The following GAS2 variants were observed in gnomAD, a reference collection of about 807,000 sequenced individuals.
GAS2 encodes growth arrest specific 2.
In GAS2, 20 loss-of-function variants were observed where a neutral mutation model predicts 37.5. That is an observed-to-expected ratio of 0.53 (90% CI 0.37 to 0.77). The LOEUF (loss-of-function observed/expected upper bound fraction) is 0.77, where lower values mean the gene tolerates loss of function less well. Ranked by LOEUF, GAS2 falls within the 30% of genes least tolerant of loss-of-function variation. GAS2 has a pLI of 0.00. For missense variants in GAS2, 336 were observed against 373.4 expected (o/e 0.90, Z 0.82); for synonymous variants, 144 against 132.2 (o/e 1.09, Z -0.61).
intron 2 of GAS2, among the ~76,000 whole-genome samples, chr11:22,684,917 A>G (rs892021285): frequency 2.0e-5 from 3 of 152,092 alleles, no homozygotes; most frequent in Admixed American, 6.6e-5. Flanking sequence ...GAATCTAGAG[A>G]TATGGTTTTA....
intron 1 of GAS2, among the ~76,000 whole-genome samples, chr11:22,651,917 C>T (rs1401139817): frequency 6.6e-6 from 1 of 152,224 alleles, no homozygotes; most frequent in Non-Finnish European, 1.5e-5. Flanking sequence ...CTTCTCTCAG[C>T]TCGTCAAAGT....
chr11:22,777,644 C>T (rs1253221370), intron 7 of GAS2, among the ~76,000 whole-genome samples: 1 of 152,132 alleles, frequency 6.6e-6, no homozygotes, highest in Non-Finnish European at 1.5e-5. Context: ...AGGAAGAACT[C>T]AAGGGCTCTT....
At chr11:22,754,947 A>G (rs1853944749) in intron 6 of GAS2, among the ~76,000 whole-genome samples, 1 of 152,074 alleles carries the variant, frequency 6.6e-6, no homozygotes, top group South Asian at 2.1e-4. Context: ...TCTTCCATGG[A>G]AACTTTTCCT....
intron 3 of GAS2, among the ~76,000 whole-genome samples, chr11:22,693,605 G>T (rs1469811371): frequency 6.6e-6 from 1 of 152,086 alleles, no homozygotes. Context: ...GACATTTTTT[G>T]AGAATATCCA....
At chr11:22,679,612 G>A (rs540176159) in intron 2 of GAS2, among the ~76,000 whole-genome samples, 29 of 152,010 alleles carry the variant, frequency 1.9e-4, no homozygotes, top group South Asian at 1.4e-3. Context: ...TAAAATAAGC[G>A]TTCTCAAATT....
intron 3 of GAS2, among the ~76,000 whole-genome samples, chr11:22,701,409 T>C (rs546463836): frequency 6.6e-6 from 1 of 152,250 alleles, no homozygotes; most frequent in South Asian, 2.1e-4. Flanking sequence ...GTGAGAAAGA[T>C]AGTTGTGATT....
At chr11:22,769,859 T>C (rs11026782) in intron 7 of GAS2, among the ~76,000 whole-genome samples, 2,681 of 152,228 alleles carry the variant, frequency 0.018, 47 homozygotes, top group Admixed American at 0.058. Context: ...TAGAAAAGAG[T>C]GTCTCCTGTG....
At chr11:22,713,823 C>T (rs1851529457) in intron 3 of GAS2, among the ~76,000 whole-genome samples, 1 of 152,096 alleles carries the variant, frequency 6.6e-6, no homozygotes, top group African/African-American at 2.4e-5. Flanking sequence ...TCACCACTAC[C>T]AAGCCAGCAT....
intron 7 of GAS2, among the ~76,000 whole-genome samples, chr11:22,784,614 T>C (rs1308970808): frequency 6.6e-6 from 1 of 152,124 alleles, no homozygotes; most frequent in Non-Finnish European, 1.5e-5. Context: ...ACTCAGCCTT[T>C]CCCCACAAGC....
At position 22,632,719 on chromosome 11, in the gene GAS2, C is replaced by T. The variant is rs376523949; in HGVS notation, c.-21+6906C>T. The stretch of plus-strand genomic sequence containing the variant: ...CTTAGGTTGGCCCTTTTACATAATC[C>T]CATGTTTCTTAGAGATTTTATTCGT... On this transcript the variant is annotated intron_variant, in intron 1 of 5. Transcript: ENST00000528582. Among the ~76,000 whole-genome samples the T allele has an allele frequency of 1.1e-3, 164 of 151,800 alleles. 1 individual carries two copies. The highest frequency in any genetic ancestry group is 3.8e-3 in the African/African-American group (158 of 41,494).
At chr11:22,792,176 A>G (rs1458324358) in intron 7 of GAS2, among the ~76,000 whole-genome samples, 1 of 152,234 alleles carries the variant, frequency 6.6e-6, no homozygotes, top group Non-Finnish European at 1.5e-5. Context: ...AACACATATC[A>G]TTTGAGAGAG....
intron 2 of GAS2, among the ~76,000 whole-genome samples, chr11:22,684,983 G>C (rs917854349): frequency 6.6e-6 from 1 of 152,094 alleles, no homozygotes; most frequent in African/African-American, 2.4e-5. Flanking sequence ...ATACATACAT[G>C]GTTCTATTTT....
At chr11:22,699,812 G>T (rs74327419) in intron 3 of GAS2, among the ~76,000 whole-genome samples, 1 of 152,136 alleles carries the variant, frequency 6.6e-6, no homozygotes, top group African/African-American at 2.4e-5. Flanking sequence ...TTAACATTTA[G>T]CTGTTAACTT....
intron 7 of GAS2, among the ~76,000 whole-genome samples, chr11:22,793,381 T>G (rs1856270154): frequency 6.6e-6 from 1 of 152,216 alleles, no homozygotes; most frequent in South Asian, 2.1e-4. Context: ...TTCTTCTATG[T>G]TCATTAACTG....
chr11:22,649,948 G>T (rs1351635579), intron 1 of GAS2, among the ~76,000 whole-genome samples: 1 of 151,916 alleles, frequency 6.6e-6, no homozygotes, highest in East Asian at 1.9e-4. Context: ...GTTATTTCTT[G>T]TCTTCTGCTG....
intron 3 of GAS2, among the ~76,000 whole-genome samples, chr11:22,687,552 A>C (rs1247779433): frequency 1.3e-5 from 2 of 152,208 alleles, no homozygotes; most frequent in Non-Finnish European, 2.9e-5. Flanking sequence ...TAAGTGACCA[A>C]GCAAGAATTT....
At chr11:22,735,099 A>C (rs1852678493) in intron 4 of GAS2, among the ~76,000 whole-genome samples, 1 of 151,556 alleles carries the variant, frequency 6.6e-6, no homozygotes, top group Admixed American at 6.6e-5. Flanking sequence ...TAACCACATA[A>C]CTATCATCTT....
chr11:22,734,656 T>A (rs1269036926), intron 4 of GAS2, among the ~76,000 whole-genome samples: 2 of 151,774 alleles, frequency 1.3e-5, no homozygotes, highest in Non-Finnish European at 3.0e-5. Flanking sequence ...CCAAGTACTA[T>A]GCTAAGCATA....
chr11:22,796,214 T>A (rs1856423167), intron 7 of GAS2, among the ~76,000 whole-genome samples: 1 of 152,130 alleles, frequency 6.6e-6, no homozygotes, highest in Non-Finnish European at 1.5e-5. Flanking sequence ...TGCTAACCAA[T>A]CCTTATACCA....
Sources: gnomAD v4.1 joint callset for allele counts (sites outside exome capture counted in the v4.1 genomes callset) on GRCh38, gnomAD v4.1.1 for gene constraint, MANE v1.5 for transcripts, NCBI Gene and HGNC (gene_info 2026-07-23, HGNC 2026-07-21) for gene names.